Variants in EEPD1 observed in about 807,000 individuals in gnomAD.
EEPD1 encodes the protein endonuclease/exonuclease/phosphatase family domain containing 1.
In EEPD1, 17 loss-of-function variants were observed where a neutral mutation model predicts 46.3. That is an observed-to-expected ratio of 0.37 (90% CI 0.25 to 0.55). The LOEUF (loss-of-function observed/expected upper bound fraction) is 0.55. Ranked by LOEUF, EEPD1 falls within the 20% of genes least tolerant of loss-of-function variation. EEPD1 has a pLI of 0.83. For synonymous variants in EEPD1, 313 were observed against 315.6 expected (o/e 0.99, Z 0.09); for missense variants, 673 against 745.6 (o/e 0.90, Z 1.13).
At chr7:36,157,632 A>G (rs1428148886) in intron 2 of EEPD1, among the ~76,000 whole-genome samples, 1 of 152,000 alleles carries the variant, frequency 6.6e-6, no homozygotes, top group Non-Finnish European at 1.5e-5. Context: ...TCACATTCTC[A>G]CTCTTGGCCA....
At chr7:36,289,049 A>T (rs1017273608) in intron 6 of EEPD1, among the ~76,000 whole-genome samples, 3 of 152,192 alleles carry the variant, frequency 2.0e-5, no homozygotes, top group African/African-American at 7.2e-5. Flanking sequence ...ATTCATGAAG[A>T]TTTTACTACA....
At position 36,154,959 on chromosome 7, in the gene EEPD1, CCTT is replaced by C. The variant is rs1194503338; in HGVS notation, c.637_639del (p.Phe213del). ...TCCACCCACACGAACGGGGGACTGA[CCTT>C]CACCGCCAAGCCTCACCCGAGCCCC... On this transcript the variant is annotated inframe_deletion, in exon 2 of 8. Transcript: ENST00000242108. The surrounding 1 kb of genome is among the most constrained non-coding windows in gnomAD (Gnocchi z 4.2). 3 of 1,613,872 alleles carry C rather than the reference CCTT, an allele frequency of 1.9e-6. No homozygotes were observed. In the African/African-American group the frequency reaches 4.0e-5, roughly 22 times the overall value.
intron 2 of EEPD1, among the ~76,000 whole-genome samples, chr7:36,204,529 G>T (rs899895296): frequency 2.6e-5 from 4 of 152,220 alleles, no homozygotes; most frequent in African/African-American, 9.6e-5. Flanking sequence ...GGTGTGGGTT[G>T]TCTGCCCACC....
At chr7:36,292,733 C>T (rs1382299398) in intron 6 of EEPD1, among the ~76,000 whole-genome samples, 1 of 152,152 alleles carries the variant, frequency 6.6e-6, no homozygotes, top group East Asian at 1.9e-4. Context: ...GTCTCAAACT[C>T]CTGACCTCAG....
At chr7:36,208,804 A>G (rs1406089530) in intron 2 of EEPD1, among the ~76,000 whole-genome samples, 1 of 152,190 alleles carries the variant, frequency 6.6e-6, no homozygotes. Flanking sequence ...TGATGCTTCA[A>G]GGGTGGTTCC....
chr7:36,255,836 T>C (rs1475035625), intron 3 of EEPD1, among the ~76,000 whole-genome samples: 1 of 151,892 alleles, frequency 6.6e-6, no homozygotes, highest in Non-Finnish European at 1.5e-5. Flanking sequence ...TCAATTCTTC[T>C]CTTATCTTAA....
chr7:36,175,091 C>T (rs1433312788), intron 2 of EEPD1, among the ~76,000 whole-genome samples: 1 of 152,204 alleles, frequency 6.6e-6, no homozygotes, highest in Non-Finnish European at 1.5e-5. Context: ...CCGTTGATCC[C>T]CTTTGACTGG....
chr7:36,176,550 G>T (rs1785183838), intron 2 of EEPD1, among the ~76,000 whole-genome samples: 1 of 152,186 alleles, frequency 6.6e-6, no homozygotes, highest in South Asian at 2.1e-4. Flanking sequence ...GTATTCTCAG[G>T]GTTGGTGATA....
Position 36,153,328 on chromosome 7 carries a change from C to T in EEPD1, c.-539C>T, listed in dbSNP as rs938730715. On this transcript the variant is annotated 5_prime_UTR_variant, in exon 1 of 8. Coordinates refer to ENST00000242108, the MANE Select transcript of EEPD1 (RefSeq NM_030636.3). The stretch of plus-strand genomic sequence containing the variant: ...GGGTCTGGACTGGCTCTGGCGGATC[C>T]CCGCCCGAGTTGGGCGCAGGACTTT... 1 of 152,152 alleles carries T rather than the reference C, an allele frequency of 6.6e-6. No homozygotes were observed. Among genetic ancestry groups the T allele is most frequent in the Non-Finnish European group, 1.5e-5 (1 of 68,024 alleles). 9.4% of individuals were successfully genotyped at this position (152,152 alleles called of 1,614,324 possible).
intron 2 of EEPD1, among the ~76,000 whole-genome samples, chr7:36,162,866 G>A (rs561841180): frequency 3.9e-5 from 6 of 152,300 alleles, no homozygotes; most frequent in East Asian, 3.9e-4. Flanking sequence ...GCGACAGTAC[G>A]TTGTTCCCAT....
intron 3 of EEPD1, among the ~76,000 whole-genome samples, chr7:36,268,224 T>C (rs1281666463): frequency 1.3e-5 from 2 of 151,902 alleles, no homozygotes; most frequent in African/African-American, 2.4e-5. Flanking sequence ...TGATCTCGGC[T>C]CACTGCAACC....
At chr7:36,280,280 G>A (rs1562711277) in intron 3 of EEPD1, among the ~76,000 whole-genome samples, 1 of 152,160 alleles carries the variant, frequency 6.6e-6, no homozygotes, top group African/African-American at 2.4e-5. Flanking sequence ...TGCCTCAGTG[G>A]GGCTGAATGA....
Position 36,289,696 on chromosome 7 carries a change from G to A in EEPD1, c.1315+1919G>A, listed in dbSNP as rs377387201. ...TTTTTAGTAGAGACGGGGTTTCACC[G>A]TGTTAGCCAGGATGGTCTCAATCTC... is the stretch of plus-strand genomic sequence containing the variant. On this transcript the variant is annotated intron_variant, in intron 6 of 7. Transcript: ENST00000242108. 3.2e-3 allele frequency among the ~76,000 whole-genome samples: 486 copies of A among 152,214 alleles called. 3 individuals carry two copies. The highest frequency in any genetic ancestry group is 0.011 in the African/African-American group (455 of 41,536).
intron 4 of EEPD1, 152 bp downstream of exon 4, chr7:36,281,377 A>G (rs1218467500): frequency 7.0e-6 from 5 of 719,222 alleles, no homozygotes; most frequent in African/African-American, 1.8e-5. Context: ...TTCATTTCCA[A>G]ATGCCCTGGT....
intron 4 of EEPD1, among the ~76,000 whole-genome samples, chr7:36,282,120 C>A (rs935748322): frequency 1.1e-4 from 16 of 152,186 alleles, no homozygotes; most frequent in African/African-American, 3.4e-4. Flanking sequence ...CTGCAGCTGA[C>A]AGTGAGTCAG....
chr7:36,250,415 G>A (rs762186991), intron 3 of EEPD1, among the ~76,000 whole-genome samples: 1 of 152,146 alleles, frequency 6.6e-6, no homozygotes, highest in Non-Finnish European at 1.5e-5. Context: ...AGATGGAGCT[G>A]CCCTGAGTGG....
At chr7:36,279,875 A>C (rs2115867870) in intron 3 of EEPD1, among the ~76,000 whole-genome samples, 1 of 152,292 alleles carries the variant, frequency 6.6e-6, no homozygotes, top group Middle Eastern at 3.4e-3. Context: ...ATGACAGTGA[A>C]CTTAGTGAAT....
In EEPD1 at chr7:36,193,563, T is replaced by G. The variant is rs1785521255; in HGVS notation, c.878+38361T>G. On this transcript the variant is annotated intron_variant, in intron 2 of 7. Coordinates refer to ENST00000242108, the MANE Select transcript of EEPD1 (RefSeq NM_030636.3). This position sits in a 1 kb window ranked among gnomAD's most constrained non-coding sequence, Gnocchi z 4.9. ...TATCTTCTGTGTTTTGATGGAGTGC[T>G]GCCCAGAGGTGCTGGGTCCCCTGTC... 6.6e-6 allele frequency among the ~76,000 whole-genome samples: 1 copy of G among 152,140 alleles called. No homozygotes were observed. Among genetic ancestry groups the G allele is most frequent in the South Asian group, 2.1e-4 (1 of 4,826 alleles).
chr7:36,262,736 T>G (rs1376080539), intron 3 of EEPD1, among the ~76,000 whole-genome samples: 1 of 152,144 alleles, frequency 6.6e-6, no homozygotes, highest in Non-Finnish European at 1.5e-5. Context: ...CATATACCAG[T>G]TAAACTCTGC....
Sources: allele counts gnomAD v4.1 joint callset (sites outside exome capture counted in the v4.1 genomes callset), GRCh38; gene constraint gnomAD v4.1.1; non-coding constraint Gnocchi (gnomAD v3.1); transcripts MANE v1.5; gene names NCBI Gene and HGNC (gene_info 2026-07-23, HGNC 2026-07-21).